Variants in CLSTN2 observed in about 807,000 individuals in gnomAD.
CLSTN2 encodes the protein calsyntenin-2.
In CLSTN2, 48 loss-of-function variants were observed where a neutral mutation model predicts 101.2. The ratio of observed to expected loss-of-function variants is 0.47; its 90% confidence interval spans 0.38 to 0.60. The LOEUF is 0.60. Among genes scored for constraint, CLSTN2 ranks in the 20% least tolerant of loss-of-function variants. The pLI, the probability that CLSTN2 is intolerant of heterozygous loss-of-function variation, is 0.00. For synonymous variants in CLSTN2, 481 were observed against 463.6 expected (o/e 1.04, Z -0.48); for missense variants, 1,160 against 1,238.2 (o/e 0.94, Z 0.95).
chr3:139,948,149 G>A (rs1935240973), intron 1 of CLSTN2, among the ~76,000 whole-genome samples: 1 of 151,906 alleles, frequency 6.6e-6, no homozygotes, highest in African/African-American at 2.4e-5. Context: ...CTTGTCCTTG[G>A]TAGCATCAAG....
At position 140,562,861 on chromosome 3, in the gene CLSTN2, C is replaced by T. The variant is rs778445142; in HGVS notation, c.2263C>T (p.Arg755Cys). ...GCAGGTGCTACATCACATCCGCTAC[C>T]GCAACTGGCGTCCGGCTTCCCTTGA... ...YEQVLHHIRY[R>C]NWRPASLEAR... The change falls in exon 14 of 17, where the codon CGC (arginine) becomes TGC (cysteine). Residue 755 changes from arginine to cysteine, a missense_variant. Coordinates refer to ENST00000458420, the MANE Select transcript of CLSTN2 (RefSeq NM_022131.3). 3.5e-5 allele frequency: 57 copies of T among 1,614,004 alleles called. No homozygotes were observed. In the Admixed American group the frequency reaches 4.5e-4, roughly 13 times the overall value.
chr3:140,021,353 A>G (rs1167744401), intron 1 of CLSTN2, among the ~76,000 whole-genome samples: 1 of 152,208 alleles, frequency 6.6e-6, no homozygotes, highest in Non-Finnish European at 1.5e-5. Flanking sequence ...AATGGCAGTT[A>G]TGTGCCAGTG....
At chr3:140,379,332 G>A (rs1316701817) in intron 2 of CLSTN2, among the ~76,000 whole-genome samples, 1 of 152,178 alleles carries the variant, frequency 6.6e-6, no homozygotes, top group Non-Finnish European at 1.5e-5. Flanking sequence ...GAGTACCCTA[G>A]GAGACTGATC....
intron 2 of CLSTN2, among the ~76,000 whole-genome samples, chr3:140,181,131 G>A (rs1325171160): frequency 6.6e-6 from 1 of 152,202 alleles, no homozygotes; most frequent in Non-Finnish European, 1.5e-5. Context: ...CCACTTACTA[G>A]CTGTATGATC....
At chr3:140,125,191 G>A (rs1196674397) in intron 1 of CLSTN2, among the ~76,000 whole-genome samples, 1 of 152,150 alleles carries the variant, frequency 6.6e-6, no homozygotes, top group Non-Finnish European at 1.5e-5. Context: ...CAACTCTTTT[G>A]AGAAAGGTTG....
intron 5 of CLSTN2, among the ~76,000 whole-genome samples, chr3:140,428,182 A>G (rs1236891236): frequency 1.3e-5 from 2 of 151,534 alleles, no homozygotes; most frequent in African/African-American, 4.9e-5. Context: ...TTTAGTTTTT[A>G]TTTTATCTTA....
chr3:140,485,659 G>A (rs1363148863), intron 8 of CLSTN2, among the ~76,000 whole-genome samples: 2 of 152,062 alleles, frequency 1.3e-5, no homozygotes, highest in Non-Finnish European at 2.9e-5. Flanking sequence ...GCAATGGCAG[G>A]CACCCCTCCC....
In CLSTN2 at chr3:140,135,117, C is replaced by CATAT. The variant is rs66931848; in HGVS notation, c.110-40792_110-40789dup. On this transcript the variant is annotated intron_variant, in intron 1 of 16. Coordinates refer to ENST00000458420, the MANE Select transcript of CLSTN2 (RefSeq NM_022131.3). ...ACACACACACACACACACACACACA[C>CATAT]ATATATATATATATATATATATATA... is the stretch of plus-strand genomic sequence containing the variant. 2.4e-3 allele frequency among the ~76,000 whole-genome samples: 138 copies of CATAT among 58,072 alleles called. 2 individuals carry two copies. The highest frequency in any genetic ancestry group is 3.2e-3 in the African/African-American group (37 of 11,616). 38.1% of individuals were successfully genotyped at this position (58,072 alleles called of 152,430 possible). A position where few individuals can be genotyped will look rare whatever the true frequency, so the allele number is the denominator to read the frequency against.
chr3:140,062,157 G>C (rs1359368963), intron 1 of CLSTN2, among the ~76,000 whole-genome samples: 1 of 152,106 alleles, frequency 6.6e-6, no homozygotes, highest in Non-Finnish European at 1.5e-5. Context: ...CCATGCCGTA[G>C]AGCCCCGGGT....
At chr3:140,218,032 A>G (rs1416674936) in intron 2 of CLSTN2, among the ~76,000 whole-genome samples, 2 of 152,256 alleles carry the variant, frequency 1.3e-5, no homozygotes, top group African/African-American at 4.8e-5. Context: ...GACCAGGCAT[A>G]GGACCCTGTG....
chr3:140,030,071 G>A (rs1021535628), intron 1 of CLSTN2, among the ~76,000 whole-genome samples: 2 of 152,064 alleles, frequency 1.3e-5, no homozygotes, highest in Non-Finnish European at 2.9e-5. Flanking sequence ...ACTGCATTTG[G>A]CAGCACCAAG....
chr3:139,987,134 A>G (rs1344123712), intron 1 of CLSTN2, among the ~76,000 whole-genome samples: 2 of 152,078 alleles, frequency 1.3e-5, no homozygotes, highest in African/African-American at 4.8e-5. Flanking sequence ...TAATAATCCA[A>G]TTAATGCAAA....
At chr3:139,971,633 G>A (rs150183267) in intron 1 of CLSTN2, among the ~76,000 whole-genome samples, 1 of 152,194 alleles carries the variant, frequency 6.6e-6, no homozygotes, top group African/African-American at 2.4e-5. Context: ...GTGAGCCAAG[G>A]CTTACCCAGA....
chr3:140,456,641 G>T, intron 6 of CLSTN2, among the ~76,000 whole-genome samples: 1 of 152,178 alleles, frequency 6.6e-6, no homozygotes, highest in East Asian at 1.9e-4. Context: ...ACAAAAATTA[G>T]CCAGACATAG....
At position 140,099,660 on chromosome 3, in the gene CLSTN2, G is replaced by T. The variant is rs187151017; in HGVS notation, c.110-76291G>T. ...TCATTGGCAAGAACTGGGTCCCATA[G>T]TCCCTCTGTCTGCAAGACAGAGTGA... is the stretch of plus-strand genomic sequence containing the variant. On this transcript the variant is annotated intron_variant, in intron 1 of 16. Transcript: ENST00000458420. Among the ~76,000 whole-genome samples the T allele has an allele frequency of 8.5e-5, 13 of 152,274 alleles. No homozygotes were observed. The East Asian group carries it at 1.9e-3, about 23-fold the overall frequency.
intron 1 of CLSTN2, among the ~76,000 whole-genome samples, chr3:140,079,353 A>G (rs1328991763): frequency 6.6e-6 from 1 of 152,234 alleles, no homozygotes; most frequent in African/African-American, 2.4e-5. Flanking sequence ...AGGAGAGAGC[A>G]TAAATTTCCA....
At chr3:140,342,751 G>A (rs2087504599) in intron 2 of CLSTN2, among the ~76,000 whole-genome samples, 1 of 152,136 alleles carries the variant, frequency 6.6e-6, no homozygotes, top group African/African-American at 2.4e-5. Context: ...GTCCAAAGCT[G>A]TCTCCATGCA....
intron 2 of CLSTN2, among the ~76,000 whole-genome samples, chr3:140,262,232 A>T (rs992284461): frequency 6.6e-6 from 1 of 152,216 alleles, no homozygotes. Flanking sequence ...AAGCAAGAGT[A>T]GCTGGTGGTT....
At chr3:140,232,601 T>A (rs1036125379) in intron 2 of CLSTN2, among the ~76,000 whole-genome samples, 1 of 152,184 alleles carries the variant, frequency 6.6e-6, no homozygotes, top group Admixed American at 6.6e-5. Context: ...TCTAGTCCCA[T>A]GTGCCTACCC....
Sources: allele counts gnomAD v4.1 joint callset (sites outside exome capture counted in the v4.1 genomes callset), GRCh38; gene constraint gnomAD v4.1.1; transcripts MANE v1.5; gene names NCBI Gene and HGNC (gene_info 2026-07-23, HGNC 2026-07-21).